The following RASA3 variants were observed in gnomAD, a reference collection of about 807,000 sequenced individuals.
RASA3 encodes the protein ras GTPase-activating protein 3.
Under a neutral mutation model 110.0 loss-of-function variants are expected in RASA3, and 73 were observed. The observed-to-expected ratio is 0.66, with a 90% CI of 0.55 to 0.81. The LOEUF is 0.81. RASA3 is among the 30% of genes least tolerant of loss of function. The pLI is 0.00. For synonymous variants in RASA3, 500 were observed against 451.4 expected (o/e 1.11, Z -1.37); for missense variants, 976 against 1,113.2 (o/e 0.88, Z 1.75).
chr13:114,018,012 C>A, intron 11 of RASA3, 92 bp downstream of exon 11: 1 of 1,363,006 alleles, frequency 7.3e-7, no homozygotes, highest in Non-Finnish European at 9.6e-7. Flanking sequence ...TTCCCTCAAG[C>A]CCTGCCCCAG....
intron 1 of RASA3, among the ~76,000 whole-genome samples, chr13:114,098,504 CG>C (rs1415296410): frequency 6.6e-6 from 1 of 151,990 alleles, no homozygotes; most frequent in Non-Finnish European, 1.5e-5. Context: ...CGTGAACAGG[CG>C]AAAGTGCAGC....
In RASA3 at chr13:114,041,819, A is replaced by C. The variant is rs553241946; in HGVS notation, c.278-725T>G. The stretch of plus-strand genomic sequence containing the variant: ...TCTGAATCTGTGCCTCTAAAGTGTA[A>C]TGAATGAGCCGCCTTCTGGGACCCC... On this transcript the variant is annotated intron_variant, in intron 3 of 23. Coordinates refer to ENST00000334062, the MANE Select transcript of RASA3 (RefSeq NM_007368.4). Among the ~76,000 whole-genome samples the C allele has an allele frequency of 2.6e-4, 39 of 152,296 alleles. 1 individual carries two copies. The highest frequency in any genetic ancestry group is 9.1e-4 in the African/African-American group (38 of 41,548).
At chr13:114,122,624 T>C (rs1156546104) in intron 1 of RASA3, among the ~76,000 whole-genome samples, 1 of 152,040 alleles carries the variant, frequency 6.6e-6, no homozygotes, top group Non-Finnish European at 1.5e-5. Flanking sequence ...GGGGTGCAGG[T>C]GGGTTCGCCC....
chr13:114,110,144 T>G (rs1301244788), intron 1 of RASA3, among the ~76,000 whole-genome samples: 2 of 152,132 alleles, frequency 1.3e-5, no homozygotes, highest in Non-Finnish European at 2.9e-5. Context: ...AAAAAAATAG[T>G]GAATCAACAG....
At position 113,996,588 on chromosome 13, in the gene RASA3, TGGCC is replaced by T; in HGVS notation, c.2080_2083del (p.Gly694ThrfsTer47). On this transcript the variant is annotated frameshift_variant, in exon 21 of 24. Coordinates refer to ENST00000334062, the MANE Select transcript of RASA3 (RefSeq NM_007368.4). LOFTEE classifies it high-confidence loss of function. The stretch of plus-strand genomic sequence containing the variant: ...GGATGGCGCCCTACAGCACAGCCAG[TGGCC>T]GCTCAGGTAGGCGGACGGGTGGTAG... 6.2e-7 allele frequency: 1 copy of T among 1,613,552 alleles called. No individual in the cohort carries two copies. Among genetic ancestry groups the T allele is most frequent in the Non-Finnish European group, 8.5e-7 (1 of 1,180,024 alleles).
chr13:113,983,020 C>T (rs80016042), intron 22 of RASA3, among the ~76,000 whole-genome samples: 24 of 151,514 alleles, frequency 1.6e-4, no homozygotes, highest in Non-Finnish European at 2.7e-4. Context: ...GAACTTGGTA[C>T]TGAGAAGTGG....
chr13:113,990,373 G>A (rs1297489076), intron 22 of RASA3, among the ~76,000 whole-genome samples: 3 of 152,214 alleles, frequency 2.0e-5, no homozygotes, highest in Non-Finnish European at 4.4e-5. Flanking sequence ...GATGCGGGGC[G>A]CACGGCCTAG....
chr13:114,002,990 G>T (rs1388137422), intron 18 of RASA3, among the ~76,000 whole-genome samples: 1 of 152,192 alleles, frequency 6.6e-6, no homozygotes, highest in Non-Finnish European at 1.5e-5. Flanking sequence ...CAGAGGTGTG[G>T]GAGCATCTCA....
intron 23 of RASA3, among the ~76,000 whole-genome samples, chr13:113,980,278 CCCA>C (rs1394623346): frequency 6.7e-6 from 1 of 149,296 alleles, no homozygotes; most frequent in Non-Finnish European, 1.5e-5. Context: ...CGCACCTCCT[CCCA>C]CGTGTGCACC....
In RASA3 at chr13:114,114,970, C is replaced by T. The variant is rs1207731913; in HGVS notation, c.55+17465G>A. Among the ~76,000 whole-genome samples the T allele has an allele frequency of 2.6e-5, 4 of 151,190 alleles. No homozygotes were observed. The highest frequency in any genetic ancestry group is 4.4e-5 in the Non-Finnish European group (3 of 67,734). On this transcript the variant is annotated intron_variant, in intron 1 of 23. Coordinates refer to ENST00000334062, the MANE Select transcript of RASA3 (RefSeq NM_007368.4). This position sits in a 1 kb window ranked among gnomAD's most constrained non-coding sequence, Gnocchi z 4.8. ...CCCCACCCCCAGCTGTGAGATGCTGCAGGTTCCCCAGCCCCACCCCCAGCT... is the reference window on the plus strand; with the variant it reads ...CCCCACCCCCAGCTGTGAGATGCTGTAGGTTCCCCAGCCCCACCCCCAGCT...
At chr13:114,013,838 C>G (rs1294240853) in intron 14 of RASA3, among the ~76,000 whole-genome samples, 1 of 142,642 alleles carries the variant, frequency 7.0e-6, no homozygotes, top group Non-Finnish European at 1.6e-5. Flanking sequence ...CCGTCTGTCT[C>G]TCTCTCCATC....
chr13:114,068,085 G>A (rs936920718), intron 2 of RASA3, among the ~76,000 whole-genome samples: 1 of 152,234 alleles, frequency 6.6e-6, no homozygotes, highest in African/African-American at 2.4e-5. Flanking sequence ...AGTTCAGGCC[G>A]TGGCACCTCT....
chr13:114,116,734 G>A (rs1035149215), intron 1 of RASA3, among the ~76,000 whole-genome samples: 1 of 152,154 alleles, frequency 6.6e-6, no homozygotes, highest in Non-Finnish European at 1.5e-5. Flanking sequence ...CAGTGTGGGT[G>A]AGCACGTGTG....
At position 114,112,603 on chromosome 13, in the gene RASA3, C is replaced by T. The variant is rs993279706; in HGVS notation, c.55+19832G>A. On this transcript the variant is annotated intron_variant, in intron 1 of 23. Coordinates refer to ENST00000334062, the MANE Select transcript of RASA3 (RefSeq NM_007368.4). The surrounding 1 kb of genome is among the most constrained non-coding windows in gnomAD (Gnocchi z 4.8). The stretch of plus-strand genomic sequence containing the variant: ...GCTGGTGCTGCAGGTATGGGGACCC[C>T]GCTAGGAGAGCCCCGGGTTAAGGGT... 1.3e-5 allele frequency among the ~76,000 whole-genome samples: 2 copies of T among 151,998 alleles called. No homozygotes were observed. The highest frequency in any genetic ancestry group is 2.9e-5 in the Non-Finnish European group (2 of 67,958).
At chr13:114,067,308 C>T (rs1269169057) in intron 2 of RASA3, among the ~76,000 whole-genome samples, 1 of 152,214 alleles carries the variant, frequency 6.6e-6, no homozygotes, top group Admixed American at 6.5e-5. Context: ...GAGGATGGGT[C>T]CCCTACTCCA....
intron 1 of RASA3, among the ~76,000 whole-genome samples, chr13:114,131,293 G>C (rs560613280): frequency 4.6e-5 from 7 of 152,136 alleles, no homozygotes; most frequent in Non-Finnish European, 1.0e-4. Flanking sequence ...TGCGAAGTGC[G>C]GCTCAGTGGG....
intron 1 of RASA3, among the ~76,000 whole-genome samples, chr13:114,117,884 A>C (rs958864787): frequency 7.0e-6 from 1 of 142,584 alleles, no homozygotes; most frequent in Non-Finnish European, 1.5e-5. Context: ...CACGTGTGTG[A>C]GGGGTGCACG....
chr13:114,002,687 T>C (rs906984609), intron 18 of RASA3, among the ~76,000 whole-genome samples: 5 of 152,240 alleles, frequency 3.3e-5, no homozygotes, highest in Non-Finnish European at 7.3e-5. Flanking sequence ...GTGAATTTTA[T>C]GTGCAGTTTC....
chr13:114,033,728 G>T (rs2054226925), intron 4 of RASA3, among the ~76,000 whole-genome samples: 1 of 152,212 alleles, frequency 6.6e-6, no homozygotes, highest in Non-Finnish European at 1.5e-5. Context: ...AATGGAACTG[G>T]GTCTGTGCTG....
Sources: allele counts gnomAD v4.1 joint callset (sites outside exome capture counted in the v4.1 genomes callset), GRCh38; gene constraint gnomAD v4.1.1; non-coding constraint Gnocchi (gnomAD v3.1); transcripts MANE v1.5; gene names NCBI Gene and HGNC (gene_info 2026-07-23, HGNC 2026-07-21).